JPH3: variants seen among roughly 807,000 people sequenced by gnomAD.
JPH3 encodes junctophilin-3.
In JPH3, 11 loss-of-function variants were observed where a neutral mutation model predicts 59.6. That is an observed-to-expected ratio of 0.18 (90% CI 0.12 to 0.31). The LOEUF (loss-of-function observed/expected upper bound fraction) is 0.31. Among genes scored for constraint, JPH3 ranks in the 10% least tolerant of loss-of-function variants. The pLI is 1.00. For synonymous variants in JPH3, 673 were observed against 483.6 expected (o/e 1.39, Z -5.14); for missense variants, 1,202 against 1,105.7 (o/e 1.09, Z -1.24).
Position 87,689,896 on chromosome 16 carries a change from C to G in JPH3, c.1536C>G (p.Gly512=). 1 of 1,469,838 alleles carries G rather than the reference C, an allele frequency of 6.8e-7. No individual in the cohort carries two copies. 91.0% of individuals were successfully genotyped at this position (1,469,838 alleles called of 1,614,324 possible). A position where few individuals can be genotyped will look rare whatever the true frequency, so the allele number is the denominator to read the frequency against. ...AGGTGTCGGTGGACGAGGAGCGGGG[C>G]GGGGACATCCAGATGCTCCTGGAGG... ...SRQVSVDEER[G]GDIQMLLEGR... Residue 512 remains glycine (G), a synonymous_variant, in exon 4 of 5, where the codon GGC becomes GGG. Transcript: ENST00000284262.
chr16:87,689,752 C>T lies in JPH3; in HGVS notation c.1392C>T (p.Gly464=), dbSNP rs878911192. The part of the protein sequence containing the change: ...QQESPELYRK[G]TTPSDLTPDD... ...AGAGCCCCGAGCTGTACCGCAAGGG[C>T]ACCACTCCCTCCGACCTGACCCCCG... The change falls in exon 4 of 5, where the codon GGC becomes GGT. Residue 464 remains glycine (G), a synonymous_variant. Coordinates refer to ENST00000284262, the MANE Select transcript of JPH3 (RefSeq NM_020655.4). 1.9e-6 allele frequency: 3 copies of T among 1,612,154 alleles called. No homozygotes were observed. Among genetic ancestry groups the T allele is most frequent in the Admixed American group, 3.3e-5 (2 of 59,972 alleles).
intron 1 of JPH3, chr16:87,604,042 C>T (rs927224461): frequency 6.2e-6 from 6 of 967,312 alleles, no homozygotes; most frequent in African/African-American, 1.8e-5. Context: ...GCGCTAGGGG[C>T]GGGGGATGCC....
chr16:87,659,079 C>T lies in JPH3; in HGVS notation c.1160+14044C>T, dbSNP rs545330805. 3.9e-4 allele frequency among the ~76,000 whole-genome samples: 60 copies of T among 152,304 alleles called. 1 individual carries two copies. The South Asian group carries it at 4.6e-3, about 12-fold the overall frequency. On this transcript the variant is annotated intron_variant, in intron 2 of 4. Transcript: ENST00000284262. ...TGCCCCATGCCTGGCTTTGTCGCGA[C>T]GGCTGCTGGAACAGACGGGTGTGGT...
chr16:87,669,970 C>T (rs959102073), intron 2 of JPH3, among the ~76,000 whole-genome samples: 1 of 152,128 alleles, frequency 6.6e-6, no homozygotes, highest in Non-Finnish European at 1.5e-5. Context: ...CAGCTCCAGC[C>T]GTGGGGGCGG....
At chr16:87,649,200 A>G (rs961196187) in intron 2 of JPH3, among the ~76,000 whole-genome samples, 3 of 152,110 alleles carry the variant, frequency 2.0e-5, no homozygotes, top group African/African-American at 7.2e-5. Flanking sequence ...CTTCTGTGTC[A>G]TTCTCCTGTG....
intron 2 of JPH3, among the ~76,000 whole-genome samples, chr16:87,668,986 C>T (rs1348580069): frequency 6.6e-6 from 1 of 152,222 alleles, no homozygotes; most frequent in Admixed American, 6.5e-5. Flanking sequence ...CGTTAATCTT[C>T]TCGGAGGTCC....
intron 1 of JPH3, among the ~76,000 whole-genome samples, chr16:87,638,321 T>C (rs1483115901): frequency 6.6e-6 from 1 of 152,202 alleles, no homozygotes; most frequent in East Asian, 1.9e-4. Context: ...CAGCTGTGTT[T>C]TGTGTTTGCT....
intron 2 of JPH3, among the ~76,000 whole-genome samples, chr16:87,667,314 G>T (rs1401593636): frequency 6.6e-6 from 1 of 152,236 alleles, no homozygotes; most frequent in Non-Finnish European, 1.5e-5. Context: ...CGACGTGAAT[G>T]GAATATTCTG....
chr16:87,681,415 G>A (rs1223314526), intron 2 of JPH3, among the ~76,000 whole-genome samples: 7 of 136,338 alleles, frequency 5.1e-5, no homozygotes, highest in African/African-American at 5.6e-5. Flanking sequence ...TGACAGTGCC[G>A]GGAGGTCAGG....
chr16:87,656,536 C>A (rs1345302740), intron 2 of JPH3, among the ~76,000 whole-genome samples: 1 of 152,192 alleles, frequency 6.6e-6, no homozygotes, highest in Non-Finnish European at 1.5e-5. Context: ...AGGGCCGGGC[C>A]CAGTTTCCAG....
intron 1 of JPH3, among the ~76,000 whole-genome samples, chr16:87,621,327 A>G (rs1226913498): frequency 1.3e-5 from 2 of 152,124 alleles, no homozygotes; most frequent in East Asian, 1.9e-4. Context: ...CCAAAATCCT[A>G]TAGACGGAGT....
intron 1 of JPH3, among the ~76,000 whole-genome samples, chr16:87,605,233 T>C (rs990228846): frequency 2.0e-5 from 3 of 152,190 alleles, no homozygotes; most frequent in Non-Finnish European, 4.4e-5. Flanking sequence ...GGGCTTTCGT[T>C]GTCTCTGAAA....
intron 1 of JPH3, among the ~76,000 whole-genome samples, chr16:87,618,004 A>G (rs2031036413): frequency 6.6e-6 from 1 of 152,014 alleles, no homozygotes; most frequent in South Asian, 2.1e-4. Context: ...CTCTACAGAA[A>G]ATACAAAAAT....
intron 1 of JPH3, among the ~76,000 whole-genome samples, chr16:87,628,635 A>G (rs932835079): frequency 6.6e-6 from 1 of 152,206 alleles, no homozygotes; most frequent in East Asian, 1.9e-4. Context: ...TGGCATCTGT[A>G]AAATGGGCAC....
chr16:87,659,379 A>AAAAAAAAAAAAC (rs1567603489), intron 2 of JPH3, among the ~76,000 whole-genome samples: 1 of 129,586 alleles, frequency 7.7e-6, no homozygotes, highest in Admixed American at 7.6e-5. Context: ...TGTCTCAAAA[A>AAAAAAAAAAAAC]AAAAAAAGAA....
intron 1 of JPH3, among the ~76,000 whole-genome samples, chr16:87,641,549 C>T (rs534284466): frequency 1.3e-5 from 2 of 152,344 alleles, no homozygotes; most frequent in African/African-American, 4.8e-5. Context: ...TCCTCTGCTG[C>T]CACGTCCTTC....
chr16:87,639,807 C>G (rs1422305468), intron 1 of JPH3, among the ~76,000 whole-genome samples: 1 of 152,248 alleles, frequency 6.6e-6, no homozygotes, highest in Non-Finnish European at 1.5e-5. Context: ...ATGACGGCCT[C>G]AAGGCTCATC....
In JPH3 at chr16:87,644,325, T is replaced by C. The variant is rs1328411705; in HGVS notation, c.450T>C (p.Tyr150=). The C allele has an allele frequency of 6.2e-7, 1 of 1,612,794 alleles. No individual in the cohort carries two copies. Among genetic ancestry groups the C allele is most frequent in the Non-Finnish European group, 8.5e-7 (1 of 1,179,932 alleles). The change falls in exon 2 of 5, where the codon TAT becomes TAC. Residue 150 remains tyrosine (Y), a synonymous_variant. Coordinates refer to ENST00000284262, the MANE Select transcript of JPH3 (RefSeq NM_020655.4). ...QGYGVRQSVP[Y]GMAAVIRSPL... ...ACGGCGTCCGGCAGAGCGTCCCGTA[T>C]GGCATGGCCGCGGTCATCCGCTCAC...
chr16:87,648,917 C>A (rs1280025556), intron 2 of JPH3, among the ~76,000 whole-genome samples: 1 of 152,244 alleles, frequency 6.6e-6, no homozygotes, highest in African/African-American at 2.4e-5. Flanking sequence ...GACGCAGATG[C>A]TGCTGGCCTG....
Sources: gnomAD v4.1 joint callset for allele counts (sites outside exome capture counted in the v4.1 genomes callset) on GRCh38, gnomAD v4.1.1 for gene constraint, MANE v1.5 for transcripts, NCBI Gene and HGNC (gene_info 2026-07-23, HGNC 2026-07-21) for gene names.